TOPORS: variants seen among roughly 807,000 people sequenced by gnomAD.
The protein encoded by TOPORS is TOP1 binding arginine/serine rich protein, E3 ubiquitin ligase.
A neutral mutation model predicts 81.4 loss-of-function variants in TOPORS; 25 were observed. That is an observed-to-expected ratio of 0.31 (90% confidence interval 0.22 to 0.43). The LOEUF (loss-of-function observed/expected upper bound fraction) is 0.43, where lower values mean the gene tolerates loss of function less well. Among genes scored for constraint, TOPORS ranks in the 20% least tolerant of loss-of-function variants. TOPORS has a pLI of 1.00. For synonymous variants in TOPORS, 473 were observed against 456.6 expected, an observed-to-expected ratio of 1.04 and a Z score of -0.46; for missense variants, 1,101 against 1,267.0, an observed-to-expected ratio of 0.87 and a Z score of 1.99.
At chr9:32,551,381 C>A in intron 1 of TOPORS, 1 of 336,210 alleles carries the variant, frequency 3.0e-6, no homozygotes, top group Non-Finnish European at 5.8e-6. Flanking sequence ...TTGTACGCCT[C>A]CCGGAAGCAA....
At chr9:32,550,666 G>T in intron 2 of TOPORS, 108 bp downstream of exon 2, 2 of 1,317,304 alleles carry the variant, frequency 1.5e-6, no homozygotes, top group Non-Finnish European at 1.1e-6. Context: ...GGACAGCCCC[G>T]CAGGCCATGA....
In TOPORS at chr9:32,541,600, CA is replaced by C; in HGVS notation, c.2924del (p.Leu975Ter). 1 of 1,614,174 alleles carries C rather than the reference CA, an allele frequency of 6.2e-7. No individual in the cohort carries two copies. The highest frequency in any genetic ancestry group is 8.5e-7 in the Non-Finnish European group (1 of 1,180,026). On this transcript the variant is annotated frameshift_variant, in exon 3 of 3. Coordinates refer to ENST00000360538, the MANE Select transcript of TOPORS (RefSeq NM_005802.5). LOFTEE classifies it high-confidence loss of function. ...ECDIATLSNN[L>X]NNANKTVDNI... The stretch of plus-strand genomic sequence containing the variant: ...TATCTACAGTTTTGTTGGCATTATT[CA>C]AGTTGTTACTAAGTGTGGCAATATC...
Position 32,542,206 on chromosome 9 carries a change from A to G in TOPORS, c.2319T>C (p.Ser773=), listed in dbSNP as rs10971019. The change falls in exon 3 of 3, where the codon TCT becomes TCC. Residue 773 remains serine (S), a synonymous_variant. Coordinates refer to ENST00000360538, the MANE Select transcript of TOPORS (RefSeq NM_005802.5). ...TAGATGCAGTCCTTGATCTGTTACTAGACAGGCTCCTTGATCTGTGCCTTT... is the reference window on the plus strand; with the variant it reads ...TAGATGCAGTCCTTGATCTGTTACTGGACAGGCTCCTTGATCTGTGCCTTT... ...YYERHRSRSL[S]SNRSRTASTG... 0.22 allele frequency: 349,430 copies of G among 1,614,016 alleles called. 40,354 individuals carry two copies. The highest frequency in any genetic ancestry group is 0.36 in the South Asian group (33,099 of 91,070).
chr9:32,545,022 G>A (rs1314332647), intron 2 of TOPORS, among the ~76,000 whole-genome samples: 1 of 152,170 alleles, frequency 6.6e-6, no homozygotes, highest in African/African-American at 2.4e-5. Context: ...CCAATCCTAT[G>A]ATTTTTAGTG....
intron 2 of TOPORS, among the ~76,000 whole-genome samples, chr9:32,547,974 A>C (rs999125330): frequency 3.4e-5 from 5 of 146,252 alleles, no homozygotes; most frequent in African/African-American, 1.3e-4. Flanking sequence ...AGCTGGGATT[A>C]CAGGCGCCCG....
intron 2 of TOPORS, among the ~76,000 whole-genome samples, chr9:32,550,193 T>C (rs1563986628): frequency 6.6e-6 from 1 of 152,160 alleles, no homozygotes; most frequent in Non-Finnish European, 1.5e-5. Flanking sequence ...ACTGCCCCCT[T>C]CCAGCCTACA....
At chr9:32,552,314 T>C (rs1385514861) in intron 1 of TOPORS, 120 bp downstream of exon 1, 2 of 1,418,090 alleles carry the variant, frequency 1.4e-6, no homozygotes, top group Non-Finnish European at 1.9e-6. Context: ...ACGAAGCGAG[T>C]GGGCGGGCGC....
At chr9:32,550,056 A>G (rs1821205380) in intron 2 of TOPORS, among the ~76,000 whole-genome samples, 1 of 152,190 alleles carries the variant, frequency 6.6e-6, no homozygotes, top group African/African-American at 2.4e-5. Context: ...AAACCCAGAA[A>G]GCTCTCACCA....
intron 1 of TOPORS, 197 bp downstream of exon 1, chr9:32,552,237 G>A (rs1388867327): frequency 4.3e-6 from 3 of 699,306 alleles, no homozygotes; most frequent in Admixed American, 2.7e-5. Flanking sequence ...CTAAAAGGCG[G>A]GCAAGGCCCC....
At chr9:32,551,844 A>G in intron 1 of TOPORS, 2 of 447,118 alleles carry the variant, frequency 4.5e-6, no homozygotes, top group South Asian at 1.6e-5. Flanking sequence ...AGAGATATAC[A>G]TTACGCTATA....
chr9:32,542,972 T>C lies in TOPORS; in HGVS notation c.1553A>G (p.Gln518Arg). 6 of 1,614,222 alleles carry C rather than the reference T, an allele frequency of 3.7e-6. No homozygotes were observed. The highest frequency in any genetic ancestry group is 5.1e-6 in the Non-Finnish European group (6 of 1,180,032). The change falls in exon 3 of 3, where the codon CAG becomes CGG. Residue 518 changes from glutamine to arginine, a missense_variant. Coordinates refer to ENST00000360538, the MANE Select transcript of TOPORS (RefSeq NM_005802.5). ...ATCACCAGAACTGTAAGATTGCTCCTGTTCTTGTGTCTTCACTGTCTCCAT... is the reference window on the plus strand; with the variant it reads ...ATCACCAGAACTGTAAGATTGCTCCCGTTCTTGTGTCTTCACTGTCTCCAT... ...EKMETVKTQE[Q>R]EQSYSSGDSD...
chr9:32,550,169 T>G (rs969055123), intron 2 of TOPORS, among the ~76,000 whole-genome samples: 5 of 152,216 alleles, frequency 3.3e-5, no homozygotes, highest in African/African-American at 1.2e-4. Context: ...AATCACTATG[T>G]GGCTCATCTC....
rs138580031 is a variant in TOPORS, at chr9:32,541,461, G to A, written c.3064C>T (p.Pro1022Ser). 14 of 1,614,012 alleles carry A rather than the reference G, an allele frequency of 8.7e-6. No individual in the cohort carries two copies. In the African/African-American group the frequency reaches 1.7e-4, roughly 20 times the overall value. The change falls in exon 3 of 3, where the codon CCA becomes TCA. Residue 1022 changes from proline to serine, a missense_variant. Pro to Ser is a moderately conservative substitution (Grantham distance 74). Transcript: ENST00000360538. ...CGTGGCGATGGCAATTGCCTTGATGGCTCAGTTTGAAGAGACACAATGTTA... is the reference window on the plus strand; with the variant it reads ...CGTGGCGATGGCAATTGCCTTGATGACTCAGTTTGAAGAGACACAATGTTA... Reference protein sequence around the residue: ...PSNIVSLQTEPSRQLPSPRTS... With the variant: ...PSNIVSLQTESSRQLPSPRTS...
rs150233260 is a variant in TOPORS, at chr9:32,540,649, A to G, written c.*738T>C. ...AAAATCAAAGAAAATAATTAAAACT[A>G]TAAAGTATTTGTTCACCTGAAGTTC... On this transcript the variant is annotated 3_prime_UTR_variant, in exon 3 of 3. Transcript: ENST00000360538. The G allele has an allele frequency of 1.1e-4, 17 of 152,794 alleles. No homozygotes were observed. The highest frequency in any genetic ancestry group is 4.1e-4 in the African/African-American group (17 of 41,596). The allele number at this position is 152,794 out of a possible 1,614,324, so 9.5% of individuals were successfully genotyped here. A position where few individuals can be genotyped will look rare whatever the true frequency, so the allele number is the denominator to read the frequency against.
chr9:32,550,671 C>A, intron 2 of TOPORS, 103 bp downstream of exon 2: 1 of 1,384,966 alleles, frequency 7.2e-7, no homozygotes, highest in Non-Finnish European at 1.0e-6. Flanking sequence ...GCCCCGCAGG[C>A]CATGACCGCA....
intron 2 of TOPORS, among the ~76,000 whole-genome samples, chr9:32,550,071 T>C (rs1821205763): frequency 6.6e-6 from 1 of 152,220 alleles, no homozygotes; most frequent in African/African-American, 2.4e-5. Context: ...TCACCACTAT[T>C]AACTTAAATC....
intron 2 of TOPORS, among the ~76,000 whole-genome samples, chr9:32,549,702 T>C (rs2118978104): frequency 6.6e-6 from 1 of 152,296 alleles, no homozygotes; most frequent in Non-Finnish European, 1.5e-5. Flanking sequence ...TCATACTTAA[T>C]ATAATTATTA....
chr9:32,550,726 C>T (rs1821224533), intron 2 of TOPORS, 48 bp downstream of exon 2: 1 of 1,606,840 alleles, frequency 6.2e-7, no homozygotes, highest in Non-Finnish European at 8.5e-7. Context: ...GCGCCAACTC[C>T]CACGGCCCTT....
At chr9:32,551,737 C>A in intron 1 of TOPORS, 1 of 429,196 alleles carries the variant, frequency 2.3e-6, no homozygotes, top group Non-Finnish European at 4.8e-6. Context: ...CTTAGTATCT[C>A]ACGCGCGGCA....
Sources: gnomAD v4.1 joint callset for allele counts (sites outside exome capture counted in the v4.1 genomes callset) on GRCh38, gnomAD v4.1.1 for gene constraint, MANE v1.5 for transcripts, NCBI Gene and HGNC (gene_info 2026-07-23, HGNC 2026-07-21) for gene names.